Variants in PALM2AKAP2 observed in about 807,000 individuals in gnomAD.
PALM2AKAP2 encodes the protein PALM2 and AKAP2 fusion.
In PALM2AKAP2, 37 loss-of-function variants were observed where a neutral mutation model predicts 71.5. The observed-to-expected ratio is 0.52, with a 90% CI of 0.40 to 0.68. The LOEUF (loss-of-function observed/expected upper bound fraction) is 0.68. PALM2AKAP2 is among the 30% of genes least tolerant of loss of function. The pLI is 0.00. For missense variants in PALM2AKAP2, 1,224 were observed against 1,191.8 expected, an observed-to-expected ratio of 1.03 and a Z score of -0.40; for synonymous variants, 468 against 478.8, an observed-to-expected ratio of 0.98 and a Z score of 0.29.
chr9:109,838,267 C>G (rs1587947601), intron 1 of PALM2AKAP2, among the ~76,000 whole-genome samples: 1 of 152,300 alleles, frequency 6.6e-6, no homozygotes, highest in East Asian at 1.9e-4. Flanking sequence ...CAACCTGCTC[C>G]TGAATGACTA....
At chr9:110,132,356 GCTT>G (rs910180683) in intron 1 of PALM2AKAP2, among the ~76,000 whole-genome samples, 10 of 151,340 alleles carry the variant, frequency 6.6e-5, no homozygotes, top group Admixed American at 3.3e-4. Flanking sequence ...CACCGTGCGG[GCTT>G]CTTTTTTTTT....
chr9:109,750,571 C>CGTGTGT (rs111708702), intron 1 of PALM2AKAP2, among the ~76,000 whole-genome samples: 23,786 of 146,896 alleles, frequency 0.16, 2,083 homozygotes, highest in Admixed American at 0.19. Flanking sequence ...TGCCCTAGGA[C>CGTGTGT]GTGTGTGTGT....
intron 1 of PALM2AKAP2, among the ~76,000 whole-genome samples, chr9:109,669,908 T>G (rs1587861106): frequency 6.6e-6 from 1 of 152,040 alleles, no homozygotes; most frequent in South Asian, 2.1e-4. Flanking sequence ...TATCTTTCAT[T>G]TTCATTCTTT....
Position 109,923,157 on chromosome 9 carries a change from G to A in PALM2AKAP2, c.258-578G>A, listed in dbSNP as rs1168448152. Among the ~76,000 whole-genome samples, 3 of 152,288 alleles carry A rather than the reference G, an allele frequency of 2.0e-5. No homozygotes were observed. In the East Asian group the frequency reaches 5.8e-4, roughly 29 times the overall value. On this transcript the variant is annotated intron_variant, in intron 3 of 9. Coordinates refer to the PALM2AKAP2 transcript ENST00000302798. ...TTTATAAAATACATAGGATGGCTGT[G>A]AAAATTGAGGAAAGTTCCAAAAGGC... is the stretch of plus-strand genomic sequence containing the variant.
chr9:109,818,021 G>T (rs545089562), intron 1 of PALM2AKAP2, among the ~76,000 whole-genome samples: 1 of 152,164 alleles, frequency 6.6e-6, no homozygotes, highest in Non-Finnish European at 1.5e-5. Context: ...TACATTAAGC[G>T]CAGTCTTCCC....
chr9:109,694,258 A>G (rs1827936867), intron 1 of PALM2AKAP2, among the ~76,000 whole-genome samples: 1 of 152,096 alleles, frequency 6.6e-6, no homozygotes, highest in Non-Finnish European at 1.5e-5. Flanking sequence ...TGGTTAGAAT[A>G]AAAAATGTGA....
intron 6 of PALM2AKAP2, among the ~76,000 whole-genome samples, chr9:109,991,504 G>A (rs562210265): frequency 6.6e-6 from 1 of 152,226 alleles, no homozygotes; most frequent in East Asian, 1.9e-4. Flanking sequence ...CTCCCAAGGT[G>A]TAAGGATTAC....
intron 3 of PALM2AKAP2, among the ~76,000 whole-genome samples, chr9:110,161,706 C>T (rs907816608): frequency 2.6e-5 from 4 of 151,994 alleles, no homozygotes; most frequent in Admixed American, 6.6e-5. Context: ...GAGAAGCCTA[C>T]GGGAAGAGAA....
chr9:110,135,451 G>A (rs934850872), intron 1 of PALM2AKAP2, among the ~76,000 whole-genome samples: 2 of 150,352 alleles, frequency 1.3e-5, no homozygotes, highest in Non-Finnish European at 3.0e-5. Flanking sequence ...ATATAAAGCA[G>A]TTAAAAAACT....
chr9:109,738,034 G>A (rs780632081), intron 1 of PALM2AKAP2, among the ~76,000 whole-genome samples: 1 of 152,106 alleles, frequency 6.6e-6, no homozygotes, highest in Non-Finnish European at 1.5e-5. Flanking sequence ...TATATATTTG[G>A]CCTCTAAACT....
At chr9:109,812,840 G>A (rs778420954) in intron 1 of PALM2AKAP2, among the ~76,000 whole-genome samples, 8 of 152,120 alleles carry the variant, frequency 5.3e-5, no homozygotes, top group Non-Finnish European at 1.2e-4. Flanking sequence ...ATCTTCCCAT[G>A]TTTGAGTCAC....
intron 1 of PALM2AKAP2, among the ~76,000 whole-genome samples, chr9:109,651,258 G>T (rs535545015): frequency 1.3e-5 from 2 of 152,358 alleles, no homozygotes; most frequent in South Asian, 4.1e-4. Flanking sequence ...CTACAGGGCA[G>T]TGGGTTGGCC....
intron 1 of PALM2AKAP2, among the ~76,000 whole-genome samples, chr9:109,831,302 A>G (rs2131539014): frequency 6.6e-6 from 1 of 152,194 alleles, no homozygotes; most frequent in South Asian, 2.1e-4. Flanking sequence ...ACACTGACTG[A>G]TGAGTACTCC....
intron 1 of PALM2AKAP2, among the ~76,000 whole-genome samples, chr9:109,710,517 C>G (rs1161476084): frequency 6.6e-6 from 1 of 152,152 alleles, no homozygotes; most frequent in Non-Finnish European, 1.5e-5. Flanking sequence ...GACACTGTCG[C>G]AAGTTAGTAT....
At chr9:109,836,157 G>A (rs1210225989) in intron 1 of PALM2AKAP2, among the ~76,000 whole-genome samples, 1 of 152,166 alleles carries the variant, frequency 6.6e-6, no homozygotes, top group Non-Finnish European at 1.5e-5. Flanking sequence ...ACCTCACATG[G>A]CCGGATACCC....
chr9:109,708,424 A>G (rs1365278731), intron 1 of PALM2AKAP2, among the ~76,000 whole-genome samples: 2 of 152,234 alleles, frequency 1.3e-5, no homozygotes, highest in Non-Finnish European at 2.9e-5. Context: ...TTCTATGACA[A>G]TGATGATTTT....
At chr9:109,995,834 C>G (rs1832566743) in intron 6 of PALM2AKAP2, among the ~76,000 whole-genome samples, 1 of 152,100 alleles carries the variant, frequency 6.6e-6, no homozygotes, top group Non-Finnish European at 1.5e-5. Flanking sequence ...TAATGATGGT[C>G]ATGGAATGGA....
intron 1 of PALM2AKAP2, among the ~76,000 whole-genome samples, chr9:109,840,430 G>A (rs1424229551): frequency 6.6e-6 from 1 of 152,162 alleles, no homozygotes; most frequent in Non-Finnish European, 1.5e-5. Context: ...GAAAACCTAG[G>A]CAGTACCATT....
At chr9:110,114,194 A>C (rs1224688978) in intron 1 of PALM2AKAP2, among the ~76,000 whole-genome samples, 1 of 152,206 alleles carries the variant, frequency 6.6e-6, no homozygotes, top group East Asian at 1.9e-4. Context: ...AATCCGTTCC[A>C]TGCCTTTCTC....
Sources: allele counts gnomAD v4.1 joint callset (sites outside exome capture counted in the v4.1 genomes callset), GRCh38; gene constraint gnomAD v4.1.1; transcripts MANE v1.5; gene names NCBI Gene and HGNC (gene_info 2026-07-23, HGNC 2026-07-21).